Variants in GALNS observed in about 807,000 individuals in gnomAD.
GALNS encodes the protein galactosamine (N-acetyl)-6-sulfatase, also known as N-acetylgalactosamine-6-sulfatase.
A neutral mutation model predicts 65.9 loss-of-function variants in GALNS; 65 were observed. The observed-to-expected ratio is 0.99, with a 90% CI of 0.81 to 1.21. The LOEUF (loss-of-function observed/expected upper bound fraction) is 1.21, where lower values mean the gene tolerates loss of function less well. Ranked by LOEUF, GALNS falls within the 50% of genes most tolerant of loss-of-function variation. The probability of loss-of-function intolerance (pLI) is 0.00; values close to 1 mark genes in which losing one functional copy is unlikely to be tolerated. For synonymous variants in GALNS, 346 were observed against 288.9 expected, an observed-to-expected ratio of 1.20 and a Z score of -2.00; for missense variants, 776 against 700.7, an observed-to-expected ratio of 1.11 and a Z score of -1.21.
chr16:88,815,740 G>A, intron 13 of GALNS: 1 of 985,476 alleles, frequency 1.0e-6, no homozygotes, highest in African/African-American at 1.7e-5. Flanking sequence ...GCGGCAGCAG[G>A]GATGCCGCAT....
At position 88,832,087 on chromosome 16, in the gene GALNS, G is replaced by T; in HGVS notation, c.913C>A (p.Pro305Thr). 1.2e-6 allele frequency: 2 copies of T among 1,613,780 alleles called. No individual in the cohort carries two copies. Among genetic ancestry groups the T allele is most frequent in the Non-Finnish European group, 1.7e-6 (2 of 1,179,868 alleles). ...GTGGTCTGCTTCCCACACAGAAAGG[G>T]GCCGTTGCTGCCACCTGGGAGAGAG... ...SAPEQGGSNGPFLCGKQTTFE... is the reference protein window; with the variant it reads ...SAPEQGGSNGTFLCGKQTTFE... Residue 305 changes from proline to threonine, a missense_variant, in exon 9 of 14, where the codon CCC becomes ACC. By Grantham distance (38) the Pro-to-Thr change is conservative. Coordinates refer to ENST00000268695, the MANE Select transcript of GALNS (RefSeq NM_000512.5).
intron 11 of GALNS, among the ~76,000 whole-genome samples, chr16:88,823,211 G>A (rs920003882): frequency 5.9e-5 from 9 of 152,158 alleles, no homozygotes; most frequent in Non-Finnish European, 7.4e-5. Context: ...GAGCCACAAC[G>A]CTCAGAATCC....
At chr16:88,820,271 G>A (rs976706387) in intron 12 of GALNS, among the ~76,000 whole-genome samples, 7 of 152,220 alleles carry the variant, frequency 4.6e-5, no homozygotes, top group South Asian at 4.1e-4. Flanking sequence ...TGGGATTACA[G>A]GCACCGACCA....
chr16:88,815,351 C>T lies in GALNS; in HGVS notation c.1483-826G>A, dbSNP rs912520395. ...CACCCTGAGCTTCTCAACTCATCAC[C>T]CTCTCCTGCAGCTTCAGCCTCTCAA... is the stretch of plus-strand genomic sequence containing the variant. On this transcript the variant is annotated intron_variant, in intron 13 of 13. Coordinates refer to ENST00000268695, the MANE Select transcript of GALNS (RefSeq NM_000512.5). 1.7e-5 allele frequency: 17 copies of T among 985,474 alleles called. No homozygotes were observed. The Admixed American group carries it at 6.8e-4, about 39-fold the overall frequency. The allele number at this position is 985,474 out of a possible 1,614,324, so 61.0% of individuals were successfully genotyped here.
At chr16:88,819,209 C>T (rs566717205) in intron 12 of GALNS, among the ~76,000 whole-genome samples, 2 of 152,202 alleles carry the variant, frequency 1.3e-5, no homozygotes, top group South Asian at 4.2e-4. Context: ...CCACCTGCCC[C>T]AGCCTCTTTC....
At chr16:88,833,251 G>A (rs934631830) in intron 8 of GALNS, among the ~76,000 whole-genome samples, 5 of 152,092 alleles carry the variant, frequency 3.3e-5, no homozygotes, top group African/African-American at 9.7e-5. Flanking sequence ...AGCCCCTCAC[G>A]GGCAAACACG....
intron 9 of GALNS, 137 bp from the exon 10 acceptor site, chr16:88,826,975 A>G (rs890591560): frequency 8.3e-6 from 9 of 1,078,080 alleles, no homozygotes; most frequent in African/African-American, 1.6e-5. Flanking sequence ...CGCCCACAGC[A>G]GGGACTGAGC....
rs1346886089 is a variant in GALNS, at chr16:88,814,502, T to C, written c.1506A>G (p.Glu502=). 2.6e-6 allele frequency: 4 copies of C among 1,559,878 alleles called. No individual in the cohort carries two copies. Among genetic ancestry groups the C allele is most frequent in the South Asian group, 1.2e-5 (1 of 84,636 alleles). Residue 502 remains glutamate (E), a synonymous_variant, in exon 14 of 14, where the codon GAA becomes GAG. Transcript: ENST00000268695. ...GAGGTGTCAGACACTTCCCTAACTT[T>C]TCACAGCCCGGAGGTGCCCAGTTCT... ...AVMNWAPPGC[E]KLGKCLTPPE... is the part of the protein sequence containing the mutation.
chr16:88,818,102 C>T lies in GALNS; in HGVS notation c.1387G>A (p.Glu463Lys). The change falls in exon 13 of 14, where the codon GAG becomes AAG. Residue 463 changes from glutamate to lysine, a missense_variant. Coordinates refer to ENST00000268695, the MANE Select transcript of GALNS (RefSeq NM_000512.5). ...ACCGAGGTGATCCTGCTGAGGGCCT[C>T]CTGGTACTCGGCGCTGGCAAAGCTG... The part of the protein sequence containing the change: ...PLSFASAEYQ[E>K]ALSRITSVVQ... 1 of 1,573,368 alleles carries T rather than the reference C, an allele frequency of 6.4e-7. No individual in the cohort carries two copies. Among genetic ancestry groups the T allele is most frequent in the Non-Finnish European group, 8.6e-7 (1 of 1,166,550 alleles).
At position 88,835,289 on chromosome 16, in the gene GALNS, G is replaced by C; in HGVS notation, c.822C>G (p.Asp274Glu). The change falls in exon 8 of 14, where the codon GAC (aspartate) becomes GAG (glutamate). Residue 274 changes from aspartate to glutamate, a missense_variant. Coordinates refer to ENST00000268695, the MANE Select transcript of GALNS (RefSeq NM_000512.5). ...CGAAGGTGTTGTCCGCGACGTGCAG[G>C]TCTTGGAGGAGCTCCAGTATCTTCC... Reference protein sequence around the residue: ...SIGKILELLQDLHVADNTFVF... With the variant: ...SIGKILELLQELHVADNTFVF... 1.9e-6 allele frequency: 3 copies of C among 1,613,336 alleles called. No individual in the cohort carries two copies. The highest frequency in any genetic ancestry group is 2.5e-6 in the Non-Finnish European group (3 of 1,179,742).
intron 1 of GALNS, among the ~76,000 whole-genome samples, chr16:88,854,259 C>T (rs1450925890): frequency 6.6e-6 from 1 of 152,222 alleles, no homozygotes; most frequent in Non-Finnish European, 1.5e-5. Context: ...AGCGCCCTGG[C>T]AGAAACAACC....
At position 88,837,515 on chromosome 16, in the gene GALNS, A is replaced by G. The variant is rs1912261686; in HGVS notation, c.566+107T>C. The stretch of plus-strand genomic sequence containing the variant: ...GTGCCCGGGGACCCAGGGACAGACC[A>G]GCCCTCATGAGTGGCGACTTGAGCC... On this transcript the variant is annotated intron_variant, in intron 5 of 13. Transcript: ENST00000268695. 2.6e-6 allele frequency: 3 copies of G among 1,169,434 alleles called. No individual in the cohort carries two copies. The Admixed American group carries it at 5.2e-5, about 20-fold the overall frequency. The allele number at this position is 1,169,434 out of a possible 1,614,324, so 72.4% of individuals were successfully genotyped here.
intron 1 of GALNS, among the ~76,000 whole-genome samples, chr16:88,854,261 G>T (rs944238340): frequency 1.2e-4 from 19 of 152,258 alleles, no homozygotes; most frequent in Admixed American, 9.8e-4. Flanking sequence ...CGCCCTGGCA[G>T]AAACAACCGG....
chr16:88,825,936 C>T (rs925378509), intron 10 of GALNS, among the ~76,000 whole-genome samples: 1 of 152,182 alleles, frequency 6.6e-6, no homozygotes, highest in Non-Finnish European at 1.5e-5. Context: ...AATCCTCATC[C>T]CTTCAGGACC....
At chr16:88,828,687 A>G (rs1911175381) in intron 9 of GALNS, among the ~76,000 whole-genome samples, 1 of 152,260 alleles carries the variant, frequency 6.6e-6, no homozygotes, top group African/African-American at 2.4e-5. Flanking sequence ...GCAAGGTTCC[A>G]AAACGCTGAA....
intron 4 of GALNS, chr16:88,840,730 G>GGAT (rs1966925657): frequency 5.8e-6 from 3 of 516,050 alleles, no homozygotes; most frequent in Admixed American, 3.1e-5. Flanking sequence ...GTGACTCGAG[G>GGAT]GATGACGGTG....
At position 88,856,282 on chromosome 16, in the gene GALNS, C is replaced by T. The variant is rs528345361; in HGVS notation, c.120+476G>A. ...AGCCCAGCGGGGGGACCCGGCGGCC[C>T]GAGGTGGCGGGAGTGATTCCTAGGG... On this transcript the variant is annotated intron_variant, in intron 1 of 13. Transcript: ENST00000268695. The T allele has an allele frequency of 5.7e-6, 4 of 702,994 alleles. No homozygotes were observed. The East Asian group carries it at 1.1e-4, about 19-fold the overall frequency. 43.5% of individuals were successfully genotyped at this position (702,994 alleles called of 1,614,324 possible).
rs1911995946 is a variant in GALNS, at chr16:88,835,258, A to G, written c.853T>C (p.Phe285Leu). Residue 285 changes from phenylalanine to leucine, a missense_variant, in exon 8 of 14, where the codon TTC becomes CTC. Coordinates refer to ENST00000268695, the MANE Select transcript of GALNS (RefSeq NM_000512.5). ...AGGGCAGCGCCGTTGTCCGACGTGA[A>G]GAAGACGAAGGTGTTGTCCGCGACG... ...LHVADNTFVF[F>L]TSDNGAALIS... 1.9e-6 allele frequency: 3 copies of G among 1,609,512 alleles called. No individual in the cohort carries two copies. The highest frequency in any genetic ancestry group is 1.1e-5 in the South Asian group (1 of 90,026).
At position 88,814,348 on chromosome 16, in the gene GALNS, T is replaced by G. The variant is rs1167830804; in HGVS notation, c.*91A>C. On this transcript the variant is annotated 3_prime_UTR_variant, in exon 14 of 14. Coordinates refer to ENST00000268695, the MANE Select transcript of GALNS (RefSeq NM_000512.5). The stretch of plus-strand genomic sequence containing the variant: ...TGCTGTCTGTCTGGCTTGGGCAGGG[T>G]TGGGGGAGGACCGAGGCCAGAGCCA... 6.6e-7 allele frequency: 1 copy of G among 1,504,702 alleles called. No homozygotes were observed. Among genetic ancestry groups the G allele is most frequent in the Non-Finnish European group, 9.0e-7 (1 of 1,107,808 alleles). The allele number at this position is 1,504,702 out of a possible 1,614,324, so 93.2% of individuals were successfully genotyped here. A position where few individuals can be genotyped will look rare whatever the true frequency, so the allele number is the denominator to read the frequency against.
Sources: gnomAD v4.1 joint callset for allele counts (sites outside exome capture counted in the v4.1 genomes callset) on GRCh38, gnomAD v4.1.1 for gene constraint, MANE v1.5 for transcripts, NCBI Gene and HGNC (gene_info 2026-07-23, HGNC 2026-07-21) for gene names.